Variants in ESRRG observed in about 807,000 individuals in gnomAD.
ESRRG encodes the protein estrogen-related receptor gamma.
A neutral mutation model predicts 44.0 loss-of-function variants in ESRRG; 13 were observed. That is an observed-to-expected ratio of 0.30 (90% confidence interval 0.19 to 0.47). The LOEUF (loss-of-function observed/expected upper bound fraction) is 0.47. ESRRG is among the 20% of genes least tolerant of loss of function. The pLI is 1.00. For missense variants in ESRRG, 395 were observed against 580.6 expected (o/e 0.68, Z 3.29); for synonymous variants, 215 against 214.6 (o/e 1.00, Z -0.02).
intron 3 of ESRRG, among the ~76,000 whole-genome samples, chr1:216,573,917 C>T (rs1441545610): frequency 6.6e-6 from 1 of 151,924 alleles, no homozygotes; most frequent in Non-Finnish European, 1.5e-5. Flanking sequence ...TGATCAGAAC[C>T]TGGGAAATCC....
intron 1 of ESRRG, among the ~76,000 whole-genome samples, chr1:216,983,784 G>A (rs868857850): frequency 1.2e-4 from 18 of 148,070 alleles, no homozygotes; most frequent in African/African-American, 3.6e-4. Context: ...TTTTTGCAAC[G>A]CATACCAAGT....
chr1:216,575,377 C>A (rs1202739456), intron 3 of ESRRG, among the ~76,000 whole-genome samples: 2 of 152,060 alleles, frequency 1.3e-5, no homozygotes, highest in African/African-American at 4.8e-5. Context: ...CCTATTTCAA[C>A]AGTCTTTAAC....
chr1:216,964,174 A>C (rs904780263), intron 1 of ESRRG, among the ~76,000 whole-genome samples: 1 of 152,162 alleles, frequency 6.6e-6, no homozygotes, highest in Non-Finnish European at 1.5e-5. Flanking sequence ...CTAGACTTTG[A>C]GGGAATGCTT....
intron 2 of ESRRG, among the ~76,000 whole-genome samples, chr1:216,873,407 T>C (rs1449064345): frequency 6.6e-6 from 1 of 151,930 alleles, no homozygotes; most frequent in Non-Finnish European, 1.5e-5. Context: ...AGATGGGGTT[T>C]CGCCACATTG....
intron 3 of ESRRG, among the ~76,000 whole-genome samples, chr1:216,628,807 T>A (rs796297420): frequency 1.3e-5 from 2 of 152,166 alleles, no homozygotes; most frequent in African/African-American, 4.8e-5. Flanking sequence ...AACCCTTAAA[T>A]TGATTTCAAG....
At chr1:216,693,703 A>C (rs1179885741) in intron 1 of ESRRG, among the ~76,000 whole-genome samples, 1 of 149,540 alleles carries the variant, frequency 6.7e-6, no homozygotes, top group Non-Finnish European at 1.5e-5. Flanking sequence ...TGTTCAGTGC[A>C]GATACAATCA....
chr1:216,870,566 A>AT (rs1418479829), intron 2 of ESRRG, among the ~76,000 whole-genome samples: 1 of 151,922 alleles, frequency 6.6e-6, no homozygotes, highest in African/African-American at 2.4e-5. Context: ...TCTGAAGGAA[A>AT]TTTTTTGGAA....
chr1:217,103,088 T>A (rs1224482002), intron 1 of ESRRG, among the ~76,000 whole-genome samples: 1 of 152,208 alleles, frequency 6.6e-6, no homozygotes, highest in Non-Finnish European at 1.5e-5. Context: ...AGGTACCCAG[T>A]CTGGAAGGCT....
At chr1:216,957,254 C>G (rs2068122444) in intron 1 of ESRRG, among the ~76,000 whole-genome samples, 2 of 152,134 alleles carry the variant, frequency 1.3e-5, no homozygotes, top group African/African-American at 4.8e-5. Flanking sequence ...TACACTCTCC[C>G]TAGGTGGTCA....
chr1:216,997,289 T>G (rs1197048921), intron 1 of ESRRG, among the ~76,000 whole-genome samples: 1 of 152,208 alleles, frequency 6.6e-6, no homozygotes, highest in Non-Finnish European at 1.5e-5. Context: ...ACCAAAACAC[T>G]TGGCCTCTCA....
chr1:217,079,241 A>C (rs2091557798), intron 1 of ESRRG, among the ~76,000 whole-genome samples: 2 of 152,194 alleles, frequency 1.3e-5, no homozygotes, highest in African/African-American at 4.8e-5. Flanking sequence ...TGAGTTCCTC[A>C]CTGTCCTTCC....
chr1:216,861,732 G>A (rs2096058341), intron 2 of ESRRG, among the ~76,000 whole-genome samples: 1 of 151,964 alleles, frequency 6.6e-6, no homozygotes, highest in Non-Finnish European at 1.5e-5. Flanking sequence ...CTCTTTAAAA[G>A]ACACTGTTGT....
At chr1:216,751,472 T>C (rs2091998599) in intron 2 of ESRRG, among the ~76,000 whole-genome samples, 1 of 152,102 alleles carries the variant, frequency 6.6e-6, no homozygotes, top group Non-Finnish European at 1.5e-5. Context: ...ACCACTGACA[T>C]TTGGTGGGGG....
At position 217,073,133 on chromosome 1, in the gene ESRRG, A is replaced by G. The variant is rs115522831; in HGVS notation, c.-106+16374T>C. Among the ~76,000 whole-genome samples, 1,118 of 133,390 alleles carry G rather than the reference A, an allele frequency of 8.4e-3. 18 individuals carry two copies. Among genetic ancestry groups the G allele is most frequent in the African/African-American group, 0.03 (1,081 of 35,864 alleles). 87.5% of individuals were successfully genotyped at this position (133,390 alleles called of 152,430 possible). ...CAGCTGTCTCTGCCCGAATAGTACC[A>G]TGGCTAAATAAGAGTCTCTCTCTAG... On this transcript the variant is annotated intron_variant, in intron 1 of 7. Transcript: ENST00000359162.
intron 2 of ESRRG, among the ~76,000 whole-genome samples, chr1:216,755,998 T>G (rs1031246393): frequency 4.6e-5 from 7 of 152,022 alleles, no homozygotes; most frequent in African/African-American, 1.4e-4. Context: ...CCCAGAAACC[T>G]GAAATAGTTT....
intron 1 of ESRRG, among the ~76,000 whole-genome samples, chr1:217,026,011 C>T (rs2081122271): frequency 6.6e-6 from 1 of 152,164 alleles, no homozygotes; most frequent in East Asian, 1.9e-4. Context: ...AAGAACTAAG[C>T]CCATGACCCC....
At chr1:216,615,948 A>T (rs1289753825) in intron 3 of ESRRG, among the ~76,000 whole-genome samples, 4 of 152,046 alleles carry the variant, frequency 2.6e-5, no homozygotes, top group Admixed American at 2.6e-4. Context: ...GGCCTCCCAA[A>T]GTGCTGGGAT....
intron 5 of ESRRG, among the ~76,000 whole-genome samples, chr1:216,532,602 C>T (rs908121967): frequency 2.0e-5 from 3 of 152,156 alleles, no homozygotes; most frequent in African/African-American, 4.8e-5. Context: ...GTTTTACAGG[C>T]AGTGACACTC....
At chr1:216,936,464 AC>A (rs1276052648) in intron 2 of ESRRG, among the ~76,000 whole-genome samples, 1 of 151,978 alleles carries the variant, frequency 6.6e-6, no homozygotes, top group Non-Finnish European at 1.5e-5. Flanking sequence ...TCCTGCTGTC[AC>A]CTTCTTAGAG....
Sources: gnomAD v4.1 joint callset for allele counts (sites outside exome capture counted in the v4.1 genomes callset) on GRCh38, gnomAD v4.1.1 for gene constraint, MANE v1.5 for transcripts, NCBI Gene and HGNC (gene_info 2026-07-23, HGNC 2026-07-21) for gene names.